REC114: variants seen among roughly 807,000 people sequenced by gnomAD.
The protein encoded by REC114 is REC114 meiotic recombination protein.
In REC114, 27 loss-of-function variants were observed where a neutral mutation model predicts 31.3. The ratio of observed to expected loss-of-function variants is 0.86; its 90% CI spans 0.64 to 1.19. The LOEUF (loss-of-function observed/expected upper bound fraction) is 1.19. Among genes scored for constraint, REC114 ranks in the 50% most tolerant of loss-of-function variants. The pLI, the probability that REC114 is intolerant of heterozygous loss-of-function variation, is 0.00. For synonymous variants in REC114, 134 were observed against 127.7 expected (o/e 1.05, Z -0.33); for missense variants, 344 against 326.9 (o/e 1.05, Z -0.40).
At chr15:73,551,375 G>A (rs1894390591) in intron 4 of REC114, among the ~76,000 whole-genome samples, 1 of 152,200 alleles carries the variant, frequency 6.6e-6, no homozygotes, top group Non-Finnish European at 1.5e-5. Flanking sequence ...ACAGAACAGT[G>A]GTTCTCAAAG....
At position 73,443,253 on chromosome 15, in the gene REC114, T is replaced by C. The variant is rs780744581; in HGVS notation, c.68T>C (p.Leu23Pro). The change falls in exon 1 of 6, where the codon CTG (leucine) becomes CCG (proline). Residue 23 changes from leucine (L) to proline (P), a missense_variant. Physicochemically the swap from Leu to Pro is moderately conservative, Grantham distance 98. Transcript: ENST00000331090. The stretch of plus-strand genomic sequence containing the variant: ...GGAGGAGAAGCGGCAGAGTGGCCTC[T>C]GCAGCGGTACGCCCGCTGCATACCC... ...LTGGEAAEWP[L>P]QRYARCIPSN... 1 of 1,573,446 alleles carries C rather than the reference T, an allele frequency of 6.4e-7. No homozygotes were observed. The highest frequency in any genetic ancestry group is 8.6e-7 in the Non-Finnish European group (1 of 1,160,454).
chr15:73,496,930 T>TA (rs1457099768), intron 2 of REC114, among the ~76,000 whole-genome samples: 2 of 129,226 alleles, frequency 1.5e-5, no homozygotes, highest in African/African-American at 6.6e-5. Context: ...CAGTCTTTAT[T>TA]TTTTTTTTTT....
At chr15:73,498,661 C>T (rs1214677030) in intron 2 of REC114, among the ~76,000 whole-genome samples, 1 of 152,046 alleles carries the variant, frequency 6.6e-6, no homozygotes, top group African/African-American at 2.4e-5. Context: ...ACACCTTTTT[C>T]TATTTCATTT....
At chr15:73,525,297 G>A (rs766645561) in intron 2 of REC114, among the ~76,000 whole-genome samples, 1 of 151,992 alleles carries the variant, frequency 6.6e-6, no homozygotes, top group Non-Finnish European at 1.5e-5. Flanking sequence ...TCTAGATAGA[G>A]ATTATTATTT....
At position 73,558,413 on chromosome 15, in the gene REC114, G is replaced by C. The variant is rs7176637; in HGVS notation, c.637-1339G>C. Among the ~76,000 whole-genome samples the C allele has an allele frequency of 6.9e-3, 1,049 of 152,020 alleles. 12 individuals carry two copies. The highest frequency in any genetic ancestry group is 0.024 in the African/African-American group (998 of 41,448). On this transcript the variant is annotated intron_variant, in intron 5 of 5. Coordinates refer to ENST00000331090, the MANE Select transcript of REC114 (RefSeq NM_001042367.2). ...CATCGTCATGTGGGACTGTGGATCC[G>C]GTGTTGCCAGATCTTCCAAATTGTC...
At chr15:73,548,703 G>C (rs916380391) in intron 3 of REC114, among the ~76,000 whole-genome samples, 1 of 152,040 alleles carries the variant, frequency 6.6e-6, no homozygotes, top group African/African-American at 2.4e-5. Flanking sequence ...TATAATCAAA[G>C]GAATATAAAT....
At chr15:73,544,635 C>A (rs895677700) in intron 3 of REC114, among the ~76,000 whole-genome samples, 3 of 152,310 alleles carry the variant, frequency 2.0e-5, no homozygotes, top group Admixed American at 1.3e-4. Flanking sequence ...CCACTGTCCT[C>A]TTTACTTCTC....
chr15:73,514,310 G>A lies in REC114; in HGVS notation c.250-26175G>A, dbSNP rs527263248. On this transcript the variant is annotated intron_variant, in intron 2 of 5. Coordinates refer to ENST00000331090, the MANE Select transcript of REC114 (RefSeq NM_001042367.2). ...CCGCGCCCTGCTTCGGCTCGCGCAC[G>A]GTGCGCGCACCCACTGGCCTGCGCC... Among the ~76,000 whole-genome samples the A allele has an allele frequency of 2.6e-5, 4 of 151,706 alleles. No individual in the cohort carries two copies. In the East Asian group the frequency reaches 7.8e-4, roughly 30 times the overall value.
intron 2 of REC114, among the ~76,000 whole-genome samples, chr15:73,499,994 C>T (rs1301935081): frequency 1.3e-5 from 2 of 152,072 alleles, no homozygotes; most frequent in South Asian, 2.1e-4. Context: ...CATCCATCAC[C>T]CAACTTTAGA....
At chr15:73,456,598 A>G (rs1892919116) in intron 1 of REC114, among the ~76,000 whole-genome samples, 2 of 152,162 alleles carry the variant, frequency 1.3e-5, no homozygotes, top group African/African-American at 2.4e-5. Flanking sequence ...AATTTTCCTT[A>G]TGATAATGTG....
chr15:73,498,364 GGT>G (rs150805069), intron 2 of REC114, among the ~76,000 whole-genome samples: 2 of 151,428 alleles, frequency 1.3e-5, no homozygotes, highest in Non-Finnish European at 3.0e-5. Flanking sequence ...TTAAGGTAGG[GGT>G]GTGTGTGTGT....
At chr15:73,522,527 C>T (rs902362048) in intron 2 of REC114, among the ~76,000 whole-genome samples, 2 of 151,854 alleles carry the variant, frequency 1.3e-5, no homozygotes, top group African/African-American at 4.8e-5. Context: ...TGTGAGGTTT[C>T]ATATAATCTG....
intron 2 of REC114, among the ~76,000 whole-genome samples, chr15:73,529,033 T>C (rs1046264799): frequency 6.6e-6 from 1 of 152,168 alleles, no homozygotes; most frequent in African/African-American, 2.4e-5. Context: ...GCAACAAAGA[T>C]ACTTGATGAT....
intron 3 of REC114, among the ~76,000 whole-genome samples, chr15:73,542,413 C>T (rs1169902225): frequency 6.6e-6 from 1 of 151,934 alleles, no homozygotes; most frequent in African/African-American, 2.4e-5. Flanking sequence ...TCAACAGTGT[C>T]CAGGTTGGCA....
At chr15:73,470,122 A>G (rs1424903670) in intron 1 of REC114, among the ~76,000 whole-genome samples, 2 of 152,134 alleles carry the variant, frequency 1.3e-5, no homozygotes, top group African/African-American at 2.4e-5. Context: ...TAAATGTACT[A>G]TTATATTTAA....
intron 1 of REC114, among the ~76,000 whole-genome samples, chr15:73,449,193 C>T (rs1892809480): frequency 1.3e-5 from 2 of 152,062 alleles, no homozygotes; most frequent in African/African-American, 2.4e-5. Flanking sequence ...TAATAACAAA[C>T]TCCTCTGAGC....
chr15:73,444,488 A>G (rs1892740582), intron 1 of REC114, among the ~76,000 whole-genome samples: 1 of 152,238 alleles, frequency 6.6e-6, no homozygotes. Flanking sequence ...CATAAAAAGC[A>G]ACTCGTCATC....
chr15:73,495,407 A>G (rs1856340980), intron 2 of REC114, among the ~76,000 whole-genome samples: 2 of 151,948 alleles, frequency 1.3e-5, no homozygotes, highest in African/African-American at 4.8e-5. Context: ...TTGCATCAAT[A>G]TGTAGCTTAC....
At chr15:73,443,485 G>A in intron 1 of REC114, 141 bp downstream of exon 1, 1 of 988,472 alleles carries the variant, frequency 1.0e-6, no homozygotes, top group South Asian at 1.8e-5. Context: ...GAATGGACAG[G>A]CCGACAACTA....
Sources: gnomAD v4.1 joint callset for allele counts (sites outside exome capture counted in the v4.1 genomes callset) on GRCh38, gnomAD v4.1.1 for gene constraint, MANE v1.5 for transcripts, NCBI Gene and HGNC (gene_info 2026-07-23, HGNC 2026-07-21) for gene names.